PRDM16: variants seen among roughly 807,000 people sequenced by gnomAD.
The protein encoded by PRDM16 is histone-lysine N-methyltransferase PRDM16.
Under a neutral mutation model 110.6 loss-of-function variants are expected in PRDM16, and 23 were observed. The observed-to-expected ratio is 0.21, with a 90% CI of 0.15 to 0.29. The LOEUF (loss-of-function observed/expected upper bound fraction) is 0.29, where lower values mean the gene tolerates loss of function less well. PRDM16 is among the 10% of genes least tolerant of loss of function. The pLI is 1.00. For missense variants in PRDM16, 1,615 were observed against 1,794.3 expected (o/e 0.90, Z 1.81); for synonymous variants, 799 against 781.8 (o/e 1.02, Z -0.37).
At chr1:3,363,806 G>A (rs944822829) in intron 3 of PRDM16, among the ~76,000 whole-genome samples, 7 of 152,120 alleles carry the variant, frequency 4.6e-5, no homozygotes, top group Non-Finnish European at 8.8e-5. Flanking sequence ...AGAAGGAGAA[G>A]GAGGAGGAAG....
chr1:3,276,376 G>A (rs1212564715), intron 3 of PRDM16, among the ~76,000 whole-genome samples: 1 of 151,808 alleles, frequency 6.6e-6, no homozygotes, highest in East Asian at 1.9e-4. Flanking sequence ...GTCCATCCCA[G>A]GATGGAAAGC....
chr1:3,329,813 C>G lies in PRDM16; in HGVS notation c.439-55339C>G, dbSNP rs116247988. ...TGGGAGAGGCCCCCACTGCCACCCA[C>G]TGGTTATGGTGGGCTGTGTTCTCCG... On this transcript the variant is annotated intron_variant, in intron 3 of 16. Coordinates refer to ENST00000270722, the MANE Select transcript of PRDM16 (RefSeq NM_022114.4). Among the ~76,000 whole-genome samples, 1,193 of 152,374 alleles carry G rather than the reference C, an allele frequency of 7.8e-3. 19 individuals are homozygous for G. The highest frequency in any genetic ancestry group is 0.027 in the African/African-American group (1,133 of 41,586).
chr1:3,147,176 G>T (rs989302941), intron 1 of PRDM16, among the ~76,000 whole-genome samples: 4 of 150,462 alleles, frequency 2.7e-5, no homozygotes, highest in African/African-American at 9.8e-5. Context: ...ACGCACGTGT[G>T]TGCTCGGTGT....
intron 3 of PRDM16, among the ~76,000 whole-genome samples, chr1:3,272,162 C>G (rs80149583): frequency 6.6e-6 from 1 of 152,162 alleles, no homozygotes; most frequent in African/African-American, 2.4e-5. Context: ...TCCTCCAGGG[C>G]GAATTGGCAA....
intron 3 of PRDM16, among the ~76,000 whole-genome samples, chr1:3,263,153 C>T (rs1640208419): frequency 6.6e-6 from 1 of 152,150 alleles, no homozygotes; most frequent in Non-Finnish European, 1.5e-5. Context: ...GGGTCTCAGG[C>T]ACCAGCAGCC....
At chr1:3,095,177 G>A (rs914778283) in intron 1 of PRDM16, among the ~76,000 whole-genome samples, 3 of 152,324 alleles carry the variant, frequency 2.0e-5, no homozygotes, top group African/African-American at 7.2e-5. Context: ...GAAAAGCCAG[G>A]CTGGAGCTCC....
intron 7 of PRDM16, among the ~76,000 whole-genome samples, 189 bp downstream of exon 7, chr1:3,405,075 T>C (rs963066578): frequency 2.2e-4 from 34 of 152,154 alleles, no homozygotes; most frequent in African/African-American, 7.7e-4. Context: ...GGGAAGACCG[T>C]GTCCCCCAGG....
intron 2 of PRDM16, among the ~76,000 whole-genome samples, chr1:3,189,327 C>G (rs113220550): frequency 0.042 from 6,324 of 152,246 alleles, 164 homozygotes; most frequent in African/African-American, 0.072. Flanking sequence ...CAGAGAAAAA[C>G]ATGGGTGCCA....
At chr1:3,286,391 G>A (rs1010933556) in intron 3 of PRDM16, among the ~76,000 whole-genome samples, 10 of 152,174 alleles carry the variant, frequency 6.6e-5, no homozygotes, top group African/African-American at 2.4e-4. Flanking sequence ...CCCCAGGTGG[G>A]TGACATGCAA....
At chr1:3,294,633 G>A (rs543147532) in intron 3 of PRDM16, among the ~76,000 whole-genome samples, 10 of 152,078 alleles carry the variant, frequency 6.6e-5, no homozygotes, top group African/African-American at 1.4e-4. Context: ...GACGGATCCC[G>A]TGCTGCCTCC....
At chr1:3,138,540 G>T (rs1457744251) in intron 1 of PRDM16, among the ~76,000 whole-genome samples, 1 of 152,226 alleles carries the variant, frequency 6.6e-6, no homozygotes, top group African/African-American at 2.4e-5. Flanking sequence ...TCTGCTGCCG[G>T]TGACATACCT....
Position 3,418,694 on chromosome 1 carries a change from A to G in PRDM16, c.2889A>G (p.Ser963=). The G allele has an allele frequency of 6.2e-7, 1 of 1,613,630 alleles. No individual in the cohort carries two copies. Among genetic ancestry groups the G allele is most frequent in the Non-Finnish European group, 8.5e-7 (1 of 1,179,806 alleles). ...CRYCGKIFPR[S]ANLTRHLRTH... is the part of the protein sequence containing the mutation. ...ACTGTGGGAAGATCTTCCCCAGATC[A>G]GCCAATCTCACCAGACACCTGAGGA... Residue 963 remains serine, a synonymous_variant, in exon 12 of 17, where the codon TCA becomes TCG. Coordinates refer to ENST00000270722, the MANE Select transcript of PRDM16 (RefSeq NM_022114.4).
chr1:3,251,939 C>T (rs889999165), intron 3 of PRDM16, among the ~76,000 whole-genome samples: 2 of 152,178 alleles, frequency 1.3e-5, no homozygotes, highest in African/African-American at 2.4e-5. Context: ...TTGGTTTGGG[C>T]GGGGAGTTCT....
intron 1 of PRDM16, among the ~76,000 whole-genome samples, chr1:3,178,055 G>A (rs1644109076): frequency 6.6e-6 from 1 of 152,164 alleles, no homozygotes; most frequent in African/African-American, 2.4e-5. Context: ...GACTTGCAAG[G>A]CTCGGCCATG....
chr1:3,292,237 C>G (rs1298543424), intron 3 of PRDM16, among the ~76,000 whole-genome samples: 1 of 152,206 alleles, frequency 6.6e-6, no homozygotes, highest in Non-Finnish European at 1.5e-5. Flanking sequence ...GGCCCGGCCT[C>G]AAGTCCTGTT....
At chr1:3,186,076 C>G (rs1644263514) in intron 1 of PRDM16, 49 bp from the exon 2 acceptor site, 3 of 1,498,326 alleles carry the variant, frequency 2.0e-6, no homozygotes, top group Non-Finnish European at 1.9e-6. Context: ...GCTGTACACA[C>G]TGGGTGGGGC....
chr1:3,420,859 G>GC (rs748283690), intron 12 of PRDM16, among the ~76,000 whole-genome samples: 2 of 152,196 alleles, frequency 1.3e-5, no homozygotes, highest in Admixed American at 6.5e-5. Context: ...CTGACAGCCG[G>GC]CCCGGGGGTC....
intron 3 of PRDM16, among the ~76,000 whole-genome samples, chr1:3,271,736 T>A (rs1640461144): frequency 6.6e-6 from 1 of 152,072 alleles, no homozygotes; most frequent in Non-Finnish European, 1.5e-5. Flanking sequence ...AGCTCCTGCC[T>A]CAGAGGCCAG....
chr1:3,394,796 A>G (rs1291838116), intron 4 of PRDM16, among the ~76,000 whole-genome samples: 3 of 151,914 alleles, frequency 2.0e-5, no homozygotes, highest in Non-Finnish European at 4.4e-5. Context: ...TTTCTAATAC[A>G]GTGGCTCAAG....
Sources: allele counts gnomAD v4.1 joint callset (sites outside exome capture counted in the v4.1 genomes callset), GRCh38; gene constraint gnomAD v4.1.1; transcripts MANE v1.5; gene names NCBI Gene and HGNC (gene_info 2026-07-23, HGNC 2026-07-21).